The following IFI16 variants were observed in gnomAD, a reference collection of about 807,000 sequenced individuals.
IFI16 encodes the protein gamma-interferon-inducible protein 16.
In IFI16, 49 loss-of-function variants were observed where a neutral mutation model predicts 68.4. The ratio of observed to expected loss-of-function variants is 0.72; its 90% CI spans 0.57 to 0.91. IFI16 has a LOEUF of 0.91. IFI16 is among the 40% of genes least tolerant of loss of function. The probability of loss-of-function intolerance (pLI) is 0.00; values close to 1 mark genes in which losing one functional copy is unlikely to be tolerated. For synonymous variants in IFI16, 307 were observed against 315.0 expected, an observed-to-expected ratio of 0.97 and a Z score of 0.27; for missense variants, 878 against 942.9, an observed-to-expected ratio of 0.93 and a Z score of 0.90.
At chr1:159,011,397 AT>A (rs200396722) in intron 1 of IFI16, among the ~76,000 whole-genome samples, 12,788 of 96,908 alleles carry the variant, frequency 0.13, 625 homozygotes, top group Non-Finnish European at 0.16. Flanking sequence ...AAAAAAAAAA[AT>A]TTTTTTTCTT....
At chr1:159,049,878 C>T (rs1006066701) in intron 9 of IFI16, among the ~76,000 whole-genome samples, 2 of 151,518 alleles carry the variant, frequency 1.3e-5, no homozygotes, top group African/African-American at 4.9e-5. Flanking sequence ...TCATGAAAAT[C>T]ATACCTTAAA....
intron 3 of IFI16, 30 bp from the exon 4 acceptor site, chr1:159,016,503 C>T (rs756128525): frequency 1.3e-5 from 21 of 1,582,464 alleles, no homozygotes; most frequent in East Asian, 4.5e-5. Flanking sequence ...GCACTGAAAA[C>T]GAATAACAGG....
rs528023487 is a variant in IFI16 at position 159,016,710 on chromosome 1, TC to T, written c.549+12del. On this transcript the variant is annotated intron_variant, in intron 4 of 11. Transcript: ENST00000295809. ...CAGTTCTTCAACTGAGGTACACTCT[TC>T]CTGGTCCCATTTTGCTTTGTTTTTT... 5.9e-5 allele frequency: 95 copies of T among 1,601,536 alleles called. No homozygotes were observed. In the African/African-American group the frequency reaches 1.2e-3, roughly 21 times the overall value.
chr1:159,028,314 G>C (rs1353162297), intron 6 of IFI16, among the ~76,000 whole-genome samples: 1 of 152,014 alleles, frequency 6.6e-6, no homozygotes, highest in Non-Finnish European at 1.5e-5. Context: ...CCATGTATTT[G>C]CATGGTTTTA....
intron 10 of IFI16, chr1:159,052,992 A>T (rs1655456268): frequency 6.6e-6 from 1 of 152,516 alleles, no homozygotes; most frequent in African/African-American, 2.4e-5. Flanking sequence ...ATAATGAGCT[A>T]CAAACCAGAA....
intron 7 of IFI16, among the ~76,000 whole-genome samples, chr1:159,039,580 G>T (rs1196667677): frequency 6.6e-6 from 1 of 152,094 alleles, no homozygotes; most frequent in East Asian, 1.9e-4. Context: ...CTCACCTCAG[G>T]CAATCCTCCC....
At chr1:159,022,784 T>G (rs1018010048) in intron 6 of IFI16, among the ~76,000 whole-genome samples, 2 of 152,342 alleles carry the variant, frequency 1.3e-5, no homozygotes, top group East Asian at 1.9e-4. Flanking sequence ...TTTGTACAGG[T>G]CTTTGAATAA....
intron 8 of IFI16, 150 bp downstream of exon 8, chr1:159,045,614 A>C: frequency 1.2e-6 from 1 of 835,972 alleles, no homozygotes; most frequent in Non-Finnish European, 1.9e-6. Flanking sequence ...GTGTATTTTG[A>C]GGTCCTATCC....
intron 1 of IFI16, among the ~76,000 whole-genome samples, chr1:159,014,055 G>C (rs984974607): frequency 6.6e-6 from 1 of 152,064 alleles, no homozygotes; most frequent in African/African-American, 2.4e-5. Context: ...TGCTGCACTA[G>C]AAAGCATGCA....
intron 1 of IFI16, among the ~76,000 whole-genome samples, chr1:159,010,944 A>C (rs1652514657): frequency 6.6e-6 from 1 of 152,188 alleles, no homozygotes; most frequent in African/African-American, 2.4e-5. Flanking sequence ...GCTTAAATGG[A>C]ATGTGAGATT....
At chr1:159,015,369 C>A (rs1206868783) in intron 2 of IFI16, among the ~76,000 whole-genome samples, 1 of 152,136 alleles carries the variant, frequency 6.6e-6, no homozygotes, top group Non-Finnish European at 1.5e-5. Flanking sequence ...TGTGAGCCTG[C>A]CTCTCAGAAG....
At chr1:159,028,073 CTTGT>C (rs1653779949) in intron 6 of IFI16, among the ~76,000 whole-genome samples, 2 of 148,772 alleles carry the variant, frequency 1.3e-5, no homozygotes, top group African/African-American at 4.9e-5. Context: ...TTGGTTTGTT[CTTGT>C]TTCTCTGGTT....
At chr1:159,031,678 C>CA (rs1357925976) in intron 6 of IFI16, among the ~76,000 whole-genome samples, 1 of 152,192 alleles carries the variant, frequency 6.6e-6, no homozygotes, top group Non-Finnish European at 1.5e-5. Flanking sequence ...TGGGCACTCA[C>CA]AGTTTTTCTG....
chr1:159,037,991 A>T (rs1465458483), intron 7 of IFI16, among the ~76,000 whole-genome samples: 1 of 152,232 alleles, frequency 6.6e-6, no homozygotes, highest in Non-Finnish European at 1.5e-5. Flanking sequence ...GTATCTCCAT[A>T]AAGATAAAAT....
chr1:159,034,315 G>T (rs552714492), intron 7 of IFI16, among the ~76,000 whole-genome samples: 1 of 152,132 alleles, frequency 6.6e-6, no homozygotes, highest in Non-Finnish European at 1.5e-5. Context: ...TATTCATTGA[G>T]ACCCTACTAG....
chr1:159,048,460 C>T (rs1340407680), intron 8 of IFI16, among the ~76,000 whole-genome samples: 1 of 151,386 alleles, frequency 6.6e-6, no homozygotes, highest in African/African-American at 2.4e-5. Context: ...AAATGTGAAC[C>T]TTTAATGAGC....
At chr1:159,013,578 A>T (rs1422192065) in intron 1 of IFI16, among the ~76,000 whole-genome samples, 1 of 152,234 alleles carries the variant, frequency 6.6e-6, no homozygotes, top group African/African-American at 2.4e-5. Flanking sequence ...TTGCACTGTC[A>T]TCATGGAAGT....
At chr1:159,046,257 T>C (rs1165439987) in intron 8 of IFI16, among the ~76,000 whole-genome samples, 2 of 151,170 alleles carry the variant, frequency 1.3e-5, no homozygotes, top group African/African-American at 4.8e-5. Context: ...AATTATTTCC[T>C]TAGGTCCTGT....
Position 159,032,608 on chromosome 1 carries a change from G to A in IFI16, c.1246G>A (p.Glu416Lys). Residue 416 changes from glutamate (E) to lysine (K), a missense_variant, in exon 7 of 12, where the codon GAG (glutamate) becomes AAG (lysine). This residue lies in a region of IFI16 where 443 missense variants were observed against 421.8 expected (regional missense o/e 1.05). Transcript: ENST00000295809. ...QEQRQLPYPS[E>K]ASTTFPESHL... ...ACAGCGTCAGCTTCCATATCCTTCA[G>A]AGGCCAGCACAACCTTCCCTGAGAG... The A allele has an allele frequency of 6.2e-7, 1 of 1,613,002 alleles. No homozygotes were observed.
Sources: gnomAD v4.1 joint callset for allele counts (sites outside exome capture counted in the v4.1 genomes callset) on GRCh38, gnomAD v4.1.1 for gene constraint, gnomAD v4.1.1 regional missense constraint, MANE v1.5 for transcripts, NCBI Gene and HGNC (gene_info 2026-07-23, HGNC 2026-07-21) for gene names.